SORCS3: variants seen among roughly 807,000 people sequenced by gnomAD.
The protein encoded by SORCS3 is VPS10 domain-containing receptor SorCS3.
In SORCS3, 57 loss-of-function variants were observed where a neutral mutation model predicts 146.3. The observed-to-expected ratio is 0.39, with a 90% CI of 0.31 to 0.49. SORCS3 has a LOEUF of 0.49. SORCS3 is among the 20% of genes least tolerant of loss of function. The pLI, the probability that SORCS3 is intolerant of heterozygous loss-of-function variation, is 0.92. For synonymous variants in SORCS3, 653 were observed against 618.5 expected (o/e 1.06, Z -0.83); for missense variants, 1,341 against 1,575.5 (o/e 0.85, Z 2.52).
intron 6 of SORCS3, among the ~76,000 whole-genome samples, chr10:105,099,862 T>C (rs1025379841): frequency 6.6e-6 from 1 of 152,220 alleles, no homozygotes; most frequent in African/African-American, 2.4e-5. Context: ...GTGAACATCC[T>C]GTCTCCATCA....
chr10:104,727,341 C>T (rs189092621), intron 1 of SORCS3, among the ~76,000 whole-genome samples: 141 of 152,080 alleles, frequency 9.3e-4, no homozygotes, highest in Admixed American at 2.2e-3. Flanking sequence ...AATAGAAAAG[C>T]ATACATATAT....
chr10:105,262,957 T>TA (rs1397843987), intron 26 of SORCS3, among the ~76,000 whole-genome samples: 1 of 151,894 alleles, frequency 6.6e-6, no homozygotes, highest in East Asian at 1.9e-4. Flanking sequence ...GTGTAGTACC[T>TA]AAAAAAAACA....
chr10:104,965,741 C>A (rs1416501956), intron 3 of SORCS3, among the ~76,000 whole-genome samples: 1 of 152,068 alleles, frequency 6.6e-6, no homozygotes, highest in Non-Finnish European at 1.5e-5. Context: ...AATGTCTATT[C>A]AAGTCCTTTG....
intron 4 of SORCS3, among the ~76,000 whole-genome samples, chr10:105,006,116 A>G (rs1411876222): frequency 2.6e-5 from 4 of 152,072 alleles, no homozygotes; most frequent in African/African-American, 7.2e-5. Context: ...TAATTTTTGT[A>G]TTTTTAGTAG....
At chr10:104,934,692 C>A (rs1007518415) in intron 3 of SORCS3, among the ~76,000 whole-genome samples, 11 of 152,158 alleles carry the variant, frequency 7.2e-5, no homozygotes, top group African/African-American at 2.2e-4. Flanking sequence ...AGAGGTAGAC[C>A]AGCCTGCCTC....
In SORCS3 at chr10:104,899,584, A is replaced by G. The variant is rs1589541932; in HGVS notation, c.696-16249A>G. Among the ~76,000 whole-genome samples the G allele has an allele frequency of 2.0e-5, 3 of 152,228 alleles. No individual in the cohort carries two copies. The East Asian group carries it at 5.8e-4, about 29-fold the overall frequency. ...CACACCTTGGATGAATTGCATGGCC[A>G]ATGTTGATAACCCAGAAAATGACAA... On this transcript the variant is annotated intron_variant, in intron 2 of 26. Coordinates refer to ENST00000369701, the MANE Select transcript of SORCS3 (RefSeq NM_014978.3).
At chr10:104,998,187 C>T (rs545228456) in intron 4 of SORCS3, among the ~76,000 whole-genome samples, 1 of 152,180 alleles carries the variant, frequency 6.6e-6, no homozygotes, top group Non-Finnish European at 1.5e-5. Flanking sequence ...TTGAAAGAGA[C>T]AGTGCAAGGC....
At chr10:105,256,995 T>G (rs1270095276) in intron 25 of SORCS3, 71 bp downstream of exon 25, 2 of 1,054,288 alleles carry the variant, frequency 1.9e-6, no homozygotes, top group Admixed American at 1.9e-5. Flanking sequence ...TATAACTAAC[T>G]TTACTAAACT....
At chr10:105,262,258 C>T in intron 25 of SORCS3, 73 bp from the exon 26 acceptor site, 1 of 1,408,044 alleles carries the variant, frequency 7.1e-7, no homozygotes, top group Non-Finnish European at 9.9e-7. Flanking sequence ...TCCCCTTATC[C>T]CCCAGGATTT....
chr10:104,857,433 C>T (rs1279377453), intron 2 of SORCS3, among the ~76,000 whole-genome samples: 2 of 152,078 alleles, frequency 1.3e-5, no homozygotes, highest in African/African-American at 4.8e-5. Context: ...ATAGTTTGCA[C>T]AATGTTATGA....
chr10:105,031,838 TAC>T (rs1169982043), intron 4 of SORCS3, among the ~76,000 whole-genome samples: 1 of 152,200 alleles, frequency 6.6e-6, no homozygotes, highest in Non-Finnish European at 1.5e-5. Flanking sequence ...TCCAAGTTTC[TAC>T]AGTTTTTCCC....
At chr10:104,982,100 G>A (rs1190672716) in intron 4 of SORCS3, among the ~76,000 whole-genome samples, 2 of 152,138 alleles carry the variant, frequency 1.3e-5, no homozygotes, top group Non-Finnish European at 2.9e-5. Context: ...CCTCCTATCC[G>A]ACAAGATCAA....
intron 4 of SORCS3, among the ~76,000 whole-genome samples, chr10:105,011,116 A>G (rs2055133795): frequency 6.6e-6 from 1 of 152,182 alleles, no homozygotes; most frequent in Non-Finnish European, 1.5e-5. Context: ...TGTTCTTTAG[A>G]TAGGAAACCA....
At chr10:104,975,472 A>G (rs1397084015) in intron 3 of SORCS3, among the ~76,000 whole-genome samples, 1 of 152,216 alleles carries the variant, frequency 6.6e-6, no homozygotes, top group African/African-American at 2.4e-5. Flanking sequence ...TATCATGAAA[A>G]TGGCCATACT....
intron 1 of SORCS3, among the ~76,000 whole-genome samples, chr10:104,696,721 AC>A (rs2016218963): frequency 3.5e-5 from 1 of 28,590 alleles, no homozygotes; most frequent in African/African-American, 1.2e-4. Context: ...ATAATATATA[AC>A]ATATATAATA....
intron 1 of SORCS3, among the ~76,000 whole-genome samples, chr10:104,734,836 G>A (rs1206291304): frequency 6.6e-6 from 1 of 152,174 alleles, no homozygotes; most frequent in Non-Finnish European, 1.5e-5. Flanking sequence ...GATCTTGACT[G>A]AAAGATTTAA....
chr10:105,079,016 A>G (rs2055606543), intron 5 of SORCS3, among the ~76,000 whole-genome samples: 1 of 152,198 alleles, frequency 6.6e-6, no homozygotes, highest in African/African-American at 2.4e-5. Flanking sequence ...AAGAGCATCT[A>G]AAAGCTATTG....
At chr10:105,194,992 C>T (rs1418964751) in intron 14 of SORCS3, among the ~76,000 whole-genome samples, 1 of 152,150 alleles carries the variant, frequency 6.6e-6, no homozygotes, top group Non-Finnish European at 1.5e-5. Context: ...ATAACAGGAC[C>T]ATTTGAGCTT....
chr10:104,692,386 C>A (rs2016124111), intron 1 of SORCS3, among the ~76,000 whole-genome samples: 1 of 151,994 alleles, frequency 6.6e-6, no homozygotes, highest in Non-Finnish European at 1.5e-5. Context: ...GGCTTTGGGG[C>A]ACAAGATGGA....
Sources: gnomAD v4.1 joint callset for allele counts (sites outside exome capture counted in the v4.1 genomes callset) on GRCh38, gnomAD v4.1.1 for gene constraint, MANE v1.5 for transcripts, NCBI Gene and HGNC (gene_info 2026-07-23, HGNC 2026-07-21) for gene names.